Variants in ZNF341 observed in about 807,000 individuals in gnomAD.
ZNF341 encodes zinc finger protein 341.
Under a neutral mutation model 87.7 loss-of-function variants are expected in ZNF341, and 52 were observed. The ratio of observed to expected loss-of-function variants is 0.59; its 90% CI spans 0.47 to 0.75. ZNF341 has a LOEUF of 0.75. ZNF341 is among the 30% of genes least tolerant of loss of function. The probability of loss-of-function intolerance (pLI) is 0.00; values close to 1 mark genes in which losing one functional copy is unlikely to be tolerated. For synonymous variants in ZNF341, 459 were observed against 472.7 expected, an observed-to-expected ratio of 0.97 and a Z score of 0.38; for missense variants, 977 against 1,145.9, an observed-to-expected ratio of 0.85 and a Z score of 2.13.
Position 33,781,279 on chromosome 20 carries a change from C to A in ZNF341, c.1623-12C>A. 1 of 1,611,216 alleles carries A rather than the reference C, an allele frequency of 6.2e-7. No homozygotes were observed. The highest frequency in any genetic ancestry group is 1.1e-5 in the South Asian group (1 of 91,010). On this transcript the variant is annotated splice_polypyrimidine_tract_variant and intron_variant, in intron 10 of 14. Coordinates refer to ENST00000375200, the MANE Select transcript of ZNF341 (RefSeq NM_001282933.2). ...TGTTTCCTCCCTCATCTCTCCTGCT[C>A]CTTCCACTTAGGTGTGTCAAATGTG... is the stretch of plus-strand genomic sequence containing the variant.
At chr20:33,782,670 G>T (rs2122729053) in intron 11 of ZNF341, among the ~76,000 whole-genome samples, 1 of 152,254 alleles carries the variant, frequency 6.6e-6, no homozygotes, top group East Asian at 1.9e-4. Flanking sequence ...CCCTTTATAG[G>T]TGGGGAAACC....
At chr20:33,790,062 G>C (rs1477720052) in intron 14 of ZNF341, among the ~76,000 whole-genome samples, 1 of 151,052 alleles carries the variant, frequency 6.6e-6, no homozygotes, top group Non-Finnish European at 1.5e-5. Context: ...TTGACAATTT[G>C]GGCCAGATAA....
rs1342459286 is a variant in ZNF341, at chr20:33,753,309, T to C, written c.627T>C (p.Arg209=). Residue 209 remains arginine, a synonymous_variant, in exon 5 of 15, where the codon CGT becomes CGC. Coordinates refer to ENST00000375200, the MANE Select transcript of ZNF341 (RefSeq NM_001282933.2). Reference sequence around the variant, plus strand: ...CCCAGAGCCTGGGCCCCCCTGGGCGTCCCAACCCTGGTGGGAACGGTGTGG... The same window carrying C: ...CCCAGAGCCTGGGCCCCCCTGGGCGCCCCAACCCTGGTGGGAACGGTGTGG... ...PPPQSLGPPG[R]PNPGGNGVVE... The C allele has an allele frequency of 6.2e-7, 1 of 1,611,786 alleles. No individual in the cohort carries two copies. Among genetic ancestry groups the C allele is most frequent in the African/African-American group, 1.3e-5 (1 of 74,876 alleles).
At chr20:33,756,785 T>C (rs1258363010) in intron 5 of ZNF341, among the ~76,000 whole-genome samples, 4 of 152,228 alleles carry the variant, frequency 2.6e-5, no homozygotes, top group Non-Finnish European at 5.9e-5. Context: ...GCCCTTTATA[T>C]GTTGCTTCAT....
rs1447376417 is a variant in ZNF341 at position 33,791,302 on chromosome 20, G to A, written c.2350G>A (p.Val784Met). The change falls in exon 15 of 15, where the codon GTG becomes ATG. Residue 784 changes from valine to methionine, a missense_variant. Physicochemically the swap from Val to Met is conservative, Grantham distance 21. This residue lies in a region of ZNF341 where 221 missense variants were observed against 212.7 expected (regional missense o/e 1.04). Transcript: ENST00000375200. ...EELKDTGAGL[V>M]PEAVPGKPPF... ...GCTGAAGGACACAGGGGCTGGGCTG[G>A]TGCCCGAGGCTGTCCCCGGCAAGCC... The A allele has an allele frequency of 1.2e-6, 2 of 1,611,520 alleles. No individual in the cohort carries two copies. Among genetic ancestry groups the A allele is most frequent in the Non-Finnish European group, 1.7e-6 (2 of 1,179,452 alleles).
intron 7 of ZNF341, among the ~76,000 whole-genome samples, chr20:33,761,106 C>T (rs553368978): frequency 3.4e-5 from 5 of 148,358 alleles, no homozygotes; most frequent in African/African-American, 1.0e-4. Context: ...GTGATCCTTC[C>T]GCCTCAGATT....
chr20:33,753,527 T>C (rs2019106548), intron 5 of ZNF341, 104 bp downstream of exon 5: 1 of 1,417,210 alleles, frequency 7.1e-7, no homozygotes, highest in African/African-American at 1.4e-5. Flanking sequence ...GTGCTGGGGA[T>C]ACCATGAAAA....
Position 33,791,372 on chromosome 20 carries a change from G to T in ZNF341, c.2420G>T (p.Gly807Val). The change falls in exon 15 of 15, where the codon GGT becomes GTT. Residue 807 changes from glycine (G) to valine (V), a missense_variant. Physicochemically the swap from Gly to Val is moderately radical, Grantham distance 109. This residue lies in a region of ZNF341 where 221 missense variants were observed against 212.7 expected (regional missense o/e 1.04). Coordinates refer to ENST00000375200, the MANE Select transcript of ZNF341 (RefSeq NM_001282933.2). ...PDAVLSIVVG[G>V]AVGAETELVV... is the part of the protein sequence containing the mutation. ...GCGGTGCTGTCCATCGTTGTGGGTG[G>T]TGCGGTGGGCGCGGAAACTGAGCTG... 1 of 1,612,754 alleles carries T rather than the reference G, an allele frequency of 6.2e-7. No homozygotes were observed. Among genetic ancestry groups the T allele is most frequent in the Non-Finnish European group, 8.5e-7 (1 of 1,179,704 alleles).
At chr20:33,750,644 A>T (rs1043772025) in intron 4 of ZNF341, among the ~76,000 whole-genome samples, 9 of 147,606 alleles carry the variant, frequency 6.1e-5, no homozygotes, top group Non-Finnish European at 1.2e-4. Flanking sequence ...TTAAAAAAAA[A>T]TTTTTTTTTT....
chr20:33,759,252 G>A (rs554315448), intron 7 of ZNF341, among the ~76,000 whole-genome samples: 3 of 152,296 alleles, frequency 2.0e-5, no homozygotes, highest in African/African-American at 7.2e-5. Context: ...GGCTGGGCTT[G>A]TTCATTTCTC....
intron 6 of ZNF341, among the ~76,000 whole-genome samples, chr20:33,758,419 G>A (rs1250607099): frequency 6.6e-6 from 1 of 152,180 alleles, no homozygotes; most frequent in South Asian, 2.1e-4. Flanking sequence ...GAATGATGAG[G>A]TTGTCAGGAG....
rs1296062080 is a variant in ZNF341, at chr20:33,732,681, G to T, written c.31+629G>T. On this transcript the variant is annotated intron_variant, in intron 1 of 14. Transcript: ENST00000375200. The surrounding 1 kb of genome is among the most constrained non-coding windows in gnomAD (Gnocchi z 4.5). ...CTGACACCGTGGGTGCTGGCGCGGT[G>T]TGCCCGGCCGGGACGCGGTGTTCCC... 1.3e-5 allele frequency among the ~76,000 whole-genome samples: 2 copies of T among 152,230 alleles called. No individual in the cohort carries two copies. The highest frequency in any genetic ancestry group is 2.4e-5 in the African/African-American group (1 of 41,462).
chr20:33,744,512 G>C (rs2018875166), intron 2 of ZNF341, among the ~76,000 whole-genome samples: 1 of 152,142 alleles, frequency 6.6e-6, no homozygotes, highest in African/African-American at 2.4e-5. Flanking sequence ...CAACTTTGTA[G>C]TGAACATACT....
intron 4 of ZNF341, among the ~76,000 whole-genome samples, chr20:33,749,610 T>G (rs1568938388): frequency 6.6e-6 from 1 of 152,118 alleles, no homozygotes; most frequent in Non-Finnish European, 1.5e-5. Context: ...TTTTGTATTT[T>G]TAATGGAGAC....
intron 8 of ZNF341, 68 bp downstream of exon 8, chr20:33,762,123 A>G: frequency 6.9e-7 from 1 of 1,454,240 alleles, no homozygotes; most frequent in Admixed American, 2.1e-5. Context: ...TTTTATTGCT[A>G]GCTGTGTGAC....
At chr20:33,760,427 C>T (rs1394423634) in intron 7 of ZNF341, among the ~76,000 whole-genome samples, 1 of 152,034 alleles carries the variant, frequency 6.6e-6, no homozygotes, top group Non-Finnish European at 1.5e-5. Flanking sequence ...AAGAAATGCT[C>T]AAACTGGCGC....
intron 14 of ZNF341, 112 bp from the exon 15 acceptor site, chr20:33,790,876 C>T (rs912035476): frequency 2.3e-6 from 3 of 1,278,170 alleles, no homozygotes; most frequent in South Asian, 1.5e-5. Flanking sequence ...AGAGCTGGGG[C>T]CAGATCACAC....
intron 12 of ZNF341, among the ~76,000 whole-genome samples, chr20:33,786,565 A>G (rs1270364549): frequency 2.6e-5 from 4 of 152,200 alleles, no homozygotes; most frequent in Non-Finnish European, 2.9e-5. Context: ...AAGATGGTCA[A>G]TTTTCTGTTA....
chr20:33,753,480 C>G lies in ZNF341; in HGVS notation c.741+57C>G, dbSNP rs187023136. Reference sequence around the variant, plus strand: ...CTGGTCATGGACATCATGGCCAACCCGGACCCATCCTGAGCACCAGCTGTG... The same window carrying G: ...CTGGTCATGGACATCATGGCCAACCGGGACCCATCCTGAGCACCAGCTGTG... On this transcript the variant is annotated intron_variant, in intron 5 of 14. Coordinates refer to ENST00000375200, the MANE Select transcript of ZNF341 (RefSeq NM_001282933.2). 6.9e-4 allele frequency: 1,033 copies of G among 1,486,336 alleles called. 12 individuals are homozygous for G. Among genetic ancestry groups the G allele is most frequent in the Middle Eastern group, 1.4e-3 (8 of 5,636 alleles). 92.1% of individuals were successfully genotyped at this position (1,486,336 alleles called of 1,614,324 possible).
Sources: gnomAD v4.1 joint callset for allele counts (sites outside exome capture counted in the v4.1 genomes callset) on GRCh38, gnomAD v4.1.1 for gene constraint, gnomAD v4.1.1 regional missense constraint, Gnocchi (gnomAD v3.1) non-coding constraint, MANE v1.5 for transcripts, NCBI Gene and HGNC (gene_info 2026-07-23, HGNC 2026-07-21) for gene names.